CCSER1: variants seen among roughly 807,000 people sequenced by gnomAD.
CCSER1 encodes the protein serine-rich coiled-coil domain-containing protein 1.
A neutral mutation model predicts 82.0 loss-of-function variants in CCSER1; 41 were observed. That is an observed-to-expected ratio of 0.50 (90% CI 0.39 to 0.65). The LOEUF (loss-of-function observed/expected upper bound fraction) is 0.65, where lower values mean the gene tolerates loss of function less well. Among genes scored for constraint, CCSER1 ranks in the 30% least tolerant of loss-of-function variants. CCSER1 has a pLI of 0.00. For missense variants in CCSER1, 1,119 were observed against 1,064.2 expected (o/e 1.05, Z -0.72); for synonymous variants, 414 against 383.9 (o/e 1.08, Z -0.92).
At chr4:91,108,410 G>A (rs1050747317) in intron 10 of CCSER1, among the ~76,000 whole-genome samples, 2 of 152,080 alleles carry the variant, frequency 1.3e-5, no homozygotes, top group Non-Finnish European at 2.9e-5. Context: ...ATTCGAATTT[G>A]TATTTTTATT....
intron 9 of CCSER1, among the ~76,000 whole-genome samples, chr4:90,924,881 C>T (rs1728858652): frequency 6.6e-6 from 1 of 152,128 alleles, no homozygotes; most frequent in Non-Finnish European, 1.5e-5. Context: ...CACCCGTCAT[C>T]ACTGCCGGCT....
chr4:90,692,035 G>GTATATATA (rs60193331), intron 6 of CCSER1, among the ~76,000 whole-genome samples: 316 of 142,884 alleles, frequency 2.2e-3, no homozygotes, highest in African/African-American at 2.6e-3. Flanking sequence ...TTCAATGTGT[G>GTATATATA]TATATATATA....
intron 5 of CCSER1, among the ~76,000 whole-genome samples, chr4:90,480,510 G>C (rs1025530675): frequency 3.9e-5 from 6 of 152,076 alleles, no homozygotes; most frequent in Non-Finnish European, 8.8e-5. Context: ...TATGGTTTTA[G>C]GTCTAACATT....
intron 10 of CCSER1, among the ~76,000 whole-genome samples, chr4:91,457,153 C>T (rs1014578148): frequency 3.9e-5 from 6 of 152,048 alleles, no homozygotes; most frequent in African/African-American, 1.2e-4. Flanking sequence ...ATTTTTATCC[C>T]ACCACATCTA....
At chr4:90,449,642 A>G (rs1761158428) in intron 4 of CCSER1, among the ~76,000 whole-genome samples, 1 of 152,218 alleles carries the variant, frequency 6.6e-6, no homozygotes. Flanking sequence ...GCAGGGAGCT[A>G]GCATATCAGC....
intron 4 of CCSER1, among the ~76,000 whole-genome samples, chr4:90,463,946 C>T (rs769391584): frequency 3.4e-4 from 51 of 151,526 alleles, no homozygotes; most frequent in Admixed American, 8.5e-4. Context: ...ATTAAAAAAA[C>T]GATAGAAATT....
At chr4:91,273,384 G>A (rs749710805) in intron 10 of CCSER1, among the ~76,000 whole-genome samples, 5 of 152,070 alleles carry the variant, frequency 3.3e-5, no homozygotes, top group Non-Finnish European at 5.9e-5. Context: ...AAGGGGTTGA[G>A]TTCTTGATTT....
At chr4:91,217,033 C>T (rs1301548120) in intron 10 of CCSER1, among the ~76,000 whole-genome samples, 2 of 152,038 alleles carry the variant, frequency 1.3e-5, no homozygotes, top group South Asian at 2.1e-4. Flanking sequence ...TAAGGTGGCG[C>T]GTCGCGAGTC....
intron 9 of CCSER1, among the ~76,000 whole-genome samples, chr4:91,000,735 A>G (rs1276575858): frequency 6.6e-6 from 1 of 152,052 alleles, no homozygotes; most frequent in Admixed American, 6.6e-5. Flanking sequence ...CTAGAATGTT[A>G]TCAGTTTATA....
intron 5 of CCSER1, among the ~76,000 whole-genome samples, chr4:90,486,348 T>A (rs1767055559): frequency 6.6e-6 from 1 of 152,222 alleles, no homozygotes; most frequent in Admixed American, 6.5e-5. Flanking sequence ...ATGGACTGCT[T>A]CTCTCTTGCT....
intron 10 of CCSER1, among the ~76,000 whole-genome samples, chr4:91,268,625 G>A (rs373006423): frequency 1.3e-5 from 2 of 152,186 alleles, no homozygotes; most frequent in African/African-American, 4.8e-5. Flanking sequence ...CCTGGGTGCA[G>A]GCTGGCTGAG....
chr4:91,017,194 A>G (rs1739506246), intron 9 of CCSER1: 1 of 152,070 alleles, frequency 6.6e-6, no homozygotes. Context: ...ATACCTCCTA[A>G]CTCTTCCCCT....
rs529704050 is a variant in CCSER1, at chr4:90,367,820, C to A, written c.1510-32216C>A. Among the ~76,000 whole-genome samples the A allele has an allele frequency of 4.6e-5, 7 of 151,710 alleles. No homozygotes were observed. In the South Asian group the frequency reaches 1.5e-3, roughly 32 times the overall value. ...ATGTAAAAAGGACAAACTAGATGGACAGAGTTTTCCAAATGAGCATGCTTG... is the reference window on the plus strand; with the variant it reads ...ATGTAAAAAGGACAAACTAGATGGAAAGAGTTTTCCAAATGAGCATGCTTG... On this transcript the variant is annotated intron_variant, in intron 3 of 10. Transcript: ENST00000509176.
At chr4:91,142,331 A>G (rs552071567) in intron 10 of CCSER1, among the ~76,000 whole-genome samples, 4 of 152,278 alleles carry the variant, frequency 2.6e-5, no homozygotes, top group African/African-American at 7.2e-5. Flanking sequence ...AGGTCTCCCT[A>G]GCCATGTGGA....
chr4:90,629,375 G>T (rs575466895), intron 6 of CCSER1, among the ~76,000 whole-genome samples: 1 of 152,266 alleles, frequency 6.6e-6, no homozygotes, highest in Non-Finnish European at 1.5e-5. Flanking sequence ...GTTCCATATG[G>T]CTGGGGAGGC....
chr4:91,511,912 C>T (rs1759846015), intron 10 of CCSER1, among the ~76,000 whole-genome samples: 1 of 152,168 alleles, frequency 6.6e-6, no homozygotes, highest in African/African-American at 2.4e-5. Flanking sequence ...AACTCTCCTT[C>T]CCCAGTGGTC....
chr4:90,646,150 T>C (rs1727545950), intron 6 of CCSER1, among the ~76,000 whole-genome samples: 1 of 152,156 alleles, frequency 6.6e-6, no homozygotes, highest in African/African-American at 2.4e-5. Context: ...ACTGCTGGCG[T>C]TGATTTTGGG....
At chr4:90,776,804 G>T (rs1752950654) in intron 7 of CCSER1, among the ~76,000 whole-genome samples, 1 of 152,164 alleles carries the variant, frequency 6.6e-6, no homozygotes, top group Non-Finnish European at 1.5e-5. Flanking sequence ...AGGTCAAACA[G>T]CTGGTAAATG....
At chr4:91,391,528 T>C (rs1032563766) in intron 10 of CCSER1, among the ~76,000 whole-genome samples, 1 of 152,162 alleles carries the variant, frequency 6.6e-6, no homozygotes, top group Non-Finnish European at 1.5e-5. Flanking sequence ...CTTGAATTCC[T>C]GGGCTCAAGT....
Sources: allele counts gnomAD v4.1 joint callset (sites outside exome capture counted in the v4.1 genomes callset), GRCh38; gene constraint gnomAD v4.1.1; transcripts MANE v1.5; gene names NCBI Gene and HGNC (gene_info 2026-07-23, HGNC 2026-07-21).